The following ZBTB20 variants were observed in gnomAD, a reference collection of about 807,000 sequenced individuals.
ZBTB20 encodes the protein zinc finger and BTB domain-containing protein 20.
A neutral mutation model predicts 56.9 loss-of-function variants in ZBTB20; 9 were observed. That is an observed-to-expected ratio of 0.16 (90% CI 0.10 to 0.28). The LOEUF (loss-of-function observed/expected upper bound fraction) is 0.28. ZBTB20 is among the 10% of genes least tolerant of loss of function. The pLI is 1.00. For missense variants in ZBTB20, 655 were observed against 1,003.0 expected, an observed-to-expected ratio of 0.65 and a Z score of 4.69; for synonymous variants, 417 against 420.7, an observed-to-expected ratio of 0.99 and a Z score of 0.11.
At chr3:114,608,093 A>G (rs2057301922) in intron 6 of ZBTB20, among the ~76,000 whole-genome samples, 1 of 152,162 alleles carries the variant, frequency 6.6e-6, no homozygotes. Context: ...TTTACTAGGA[A>G]GGGTTGGGAG....
Position 114,645,720 on chromosome 3 carries a change from T to A in ZBTB20, c.-295+47808A>T, listed in dbSNP as rs945646884. Among the ~76,000 whole-genome samples, 12 of 152,352 alleles carry A rather than the reference T, an allele frequency of 7.9e-5. 1 individual carries two copies. In the South Asian group the frequency reaches 2.5e-3, roughly 32 times the overall value. On this transcript the variant is annotated intron_variant, in intron 6 of 11. Transcript: ENST00000675478. ...TTCTAATACAAGTATACTTTTATTA[T>A]GGAGAAACCAAATTAATTTTATCAA...
At chr3:115,096,804 C>A (rs552873800) in intron 1 of ZBTB20, among the ~76,000 whole-genome samples, 2 of 152,222 alleles carry the variant, frequency 1.3e-5, no homozygotes, top group South Asian at 4.2e-4. Context: ...TGTAGATAAT[C>A]ACACAATTAG....
At chr3:114,698,306 G>A (rs1251933713) in intron 5 of ZBTB20, among the ~76,000 whole-genome samples, 1 of 151,900 alleles carries the variant, frequency 6.6e-6, no homozygotes, top group Non-Finnish European at 1.5e-5. Context: ...GCCCAATATA[G>A]GATAATAAAA....
At chr3:114,952,066 T>C (rs1179890145) in intron 3 of ZBTB20, among the ~76,000 whole-genome samples, 1 of 152,028 alleles carries the variant, frequency 6.6e-6, no homozygotes, top group African/African-American at 2.4e-5. Context: ...CAGAAACCTG[T>C]GGGACAATAA....
chr3:114,514,496 T>C (rs2045760532), intron 6 of ZBTB20, among the ~76,000 whole-genome samples: 1 of 152,220 alleles, frequency 6.6e-6, no homozygotes, highest in Non-Finnish European at 1.5e-5. Flanking sequence ...CAGGTTCATC[T>C]AAATGTATAG....
Position 114,333,234 on chromosome 3 carries a change from T to A in ZBTB20, c.*5771A>T, listed in dbSNP as rs1347448741. 2.0e-5 allele frequency: 3 copies of A among 152,136 alleles called. No homozygotes were observed. The highest frequency in any genetic ancestry group is 7.2e-5 in the African/African-American group (3 of 41,408). 9.4% of individuals were successfully genotyped at this position (152,136 alleles called of 1,614,324 possible). ...ACCACAGCCTTTTTTCTTGTAAAGGTTTAAGTGATATCAGAAATAGCAACT... is the reference window on the plus strand; with the variant it reads ...ACCACAGCCTTTTTTCTTGTAAAGGATTAAGTGATATCAGAAATAGCAACT... On this transcript the variant is annotated 3_prime_UTR_variant, in exon 12 of 12. Transcript: ENST00000675478.
At chr3:115,001,976 C>G (rs1052645498) in intron 2 of ZBTB20, among the ~76,000 whole-genome samples, 1 of 151,356 alleles carries the variant, frequency 6.6e-6, no homozygotes, top group East Asian at 1.9e-4. Flanking sequence ...GCTGACACTA[C>G]CCAACCCCAA....
At chr3:115,109,032 A>C (rs2083800535) in intron 1 of ZBTB20, among the ~76,000 whole-genome samples, 1 of 152,176 alleles carries the variant, frequency 6.6e-6, no homozygotes, top group South Asian at 2.1e-4. Flanking sequence ...AATAAATGCT[A>C]AATCAATGGA....
At chr3:114,957,258 G>T (rs1329162666) in intron 3 of ZBTB20, among the ~76,000 whole-genome samples, 4 of 152,144 alleles carry the variant, frequency 2.6e-5, no homozygotes. Flanking sequence ...AGGTCACACT[G>T]TCAGTGCTCT....
intron 6 of ZBTB20, among the ~76,000 whole-genome samples, chr3:114,583,149 C>T (rs1315580990): frequency 1.3e-5 from 2 of 152,284 alleles, no homozygotes; most frequent in East Asian, 3.9e-4. Context: ...TGCTGCATTT[C>T]AAGTCAACCA....
chr3:115,067,366 G>C (rs1231860522), intron 2 of ZBTB20, among the ~76,000 whole-genome samples: 1 of 151,836 alleles, frequency 6.6e-6, no homozygotes, highest in African/African-American at 2.4e-5. Flanking sequence ...ATAGTTGATC[G>C]AGTTAGTCAA....
chr3:114,430,891 C>A (rs2090070573), intron 7 of ZBTB20, among the ~76,000 whole-genome samples: 1 of 152,052 alleles, frequency 6.6e-6, no homozygotes, highest in Non-Finnish European at 1.5e-5. Flanking sequence ...ATTCTCACTG[C>A]CTCTACTTAC....
chr3:114,457,649 G>T (rs4287894), intron 7 of ZBTB20, among the ~76,000 whole-genome samples: 118,991 of 152,076 alleles, frequency 0.78, 48,004 homozygotes, highest in Non-Finnish European at 0.9. Context: ...TAATTGGCTT[G>T]CCCTAAGCAG....
chr3:114,732,769 G>A (rs1440903999), intron 5 of ZBTB20, among the ~76,000 whole-genome samples: 3 of 152,192 alleles, frequency 2.0e-5, no homozygotes, highest in Non-Finnish European at 4.4e-5. Flanking sequence ...GGGGGATGGG[G>A]ATGCAGGTTG....
intron 6 of ZBTB20, among the ~76,000 whole-genome samples, chr3:114,546,571 T>C (rs1347284825): frequency 6.6e-6 from 1 of 151,994 alleles, no homozygotes; most frequent in Non-Finnish European, 1.5e-5. Flanking sequence ...TTTTTTTTTT[T>C]TTTAATCCAG....
intron 2 of ZBTB20, among the ~76,000 whole-genome samples, chr3:115,042,104 A>T (rs891678090): frequency 6.6e-6 from 1 of 152,120 alleles, no homozygotes; most frequent in African/African-American, 2.4e-5. Flanking sequence ...GACTGAGACC[A>T]TGCCATTTTA....
chr3:115,057,877 C>T lies in ZBTB20; in HGVS notation c.-507+13342G>A, dbSNP rs539882017. On this transcript the variant is annotated intron_variant, in intron 2 of 11. Transcript: ENST00000675478. ...GCTGCTAATAAAGATATACTCAAGACTGGGTAATTTATAAAAGAAAAAATT... is the reference window on the plus strand; with the variant it reads ...GCTGCTAATAAAGATATACTCAAGATTGGGTAATTTATAAAAGAAAAAATT... Among the ~76,000 whole-genome samples the T allele has an allele frequency of 2.6e-5, 4 of 152,162 alleles. No individual in the cohort carries two copies. In the South Asian group the frequency reaches 8.3e-4, roughly 32 times the overall value.
intron 4 of ZBTB20, among the ~76,000 whole-genome samples, chr3:114,818,008 A>G (rs1433625549): frequency 6.6e-6 from 1 of 152,168 alleles, no homozygotes; most frequent in East Asian, 1.9e-4. Context: ...TGAAACCCCA[A>G]TGACAGCATC....
chr3:114,626,679 A>G (rs2058674364), intron 6 of ZBTB20, among the ~76,000 whole-genome samples: 1 of 152,198 alleles, frequency 6.6e-6, no homozygotes, highest in South Asian at 2.1e-4. Flanking sequence ...TTGGGTATCT[A>G]TGTTGTCAAA....
Sources: gnomAD v4.1 joint callset for allele counts (sites outside exome capture counted in the v4.1 genomes callset) on GRCh38, gnomAD v4.1.1 for gene constraint, MANE v1.5 for transcripts, NCBI Gene and HGNC (gene_info 2026-07-23, HGNC 2026-07-21) for gene names.